Variants in RBFOX3 observed in about 807,000 individuals in gnomAD.
RBFOX3 encodes the protein RNA binding protein fox-1 homolog 3.
A neutral mutation model predicts 48.7 loss-of-function variants in RBFOX3; 17 were observed. That is an observed-to-expected ratio of 0.35 (90% confidence interval 0.24 to 0.52). The LOEUF is 0.52. Ranked by LOEUF, RBFOX3 falls within the 20% of genes least tolerant of loss-of-function variation. The pLI is 0.94. For synonymous variants in RBFOX3, 212 were observed against 209.5 expected (o/e 1.01, Z -0.10); for missense variants, 382 against 497.5 (o/e 0.77, Z 2.21).
chr17:79,664,791 C>G, the RBFOX3 span, among the ~76,000 whole-genome samples: 7 of 152,322 alleles, frequency 4.6e-5, no homozygotes, highest in Non-Finnish European at 7.3e-5. Context: ...CTCCTCCCCC[C>G]GGTCCCTGGA....
chr17:79,200,909 T>C (rs1260341400), intron 4 of RBFOX3, among the ~76,000 whole-genome samples: 1 of 151,884 alleles, frequency 6.6e-6, no homozygotes, highest in African/African-American at 2.4e-5. Flanking sequence ...TCCTCGTCTC[T>C]GTGTGCGGCG....
Position 79,198,570 on chromosome 17 carries a change from C to G in RBFOX3, c.-34+37196G>C, listed in dbSNP as rs1234675998. On this transcript the variant is annotated intron_variant, in intron 4 of 14. Coordinates refer to ENST00000693108, the MANE Select transcript of RBFOX3 (RefSeq NM_001350451.2). This position sits in a 1 kb window ranked among gnomAD's most constrained non-coding sequence, Gnocchi z 8.2. ...AGGATGTATTGCCCATGCCACTCGT[C>G]ACTCTGATAGGACTTTTAGAGATGT... Among the ~76,000 whole-genome samples the G allele has an allele frequency of 1.3e-5, 2 of 152,076 alleles. No homozygotes were observed. Among genetic ancestry groups the G allele is most frequent in the Non-Finnish European group, 2.9e-5 (2 of 68,014 alleles).
chr17:79,131,702 G>A (rs868202776), intron 4 of RBFOX3, among the ~76,000 whole-genome samples: 1 of 152,302 alleles, frequency 6.6e-6, no homozygotes, highest in South Asian at 2.1e-4. Flanking sequence ...ACCATTATTG[G>A]AAGAAGGGGT....
At chr17:79,331,210 G>A (rs2080232736) in intron 2 of RBFOX3, among the ~76,000 whole-genome samples, 1 of 152,112 alleles carries the variant, frequency 6.6e-6, no homozygotes. Context: ...TTCAAGCCCT[G>A]CTGTCCCTTC....
At chr17:79,573,812 G>T (rs2092766079) in intron 1 of RBFOX3, among the ~76,000 whole-genome samples, 1 of 152,164 alleles carries the variant, frequency 6.6e-6, no homozygotes, top group African/African-American at 2.4e-5. Flanking sequence ...AATCTGCCCG[G>T]TGGGGGGAGG....
At position 79,361,576 on chromosome 17, in the gene RBFOX3, A is replaced by C. The variant is rs1285606135; in HGVS notation, c.-174-53752T>G. ...CAGCTGATCAGCAGCTCTGCCAGGCACTGTCCAGGGCTTCCCTAAGGGACA... is the reference window on the plus strand; with the variant it reads ...CAGCTGATCAGCAGCTCTGCCAGGCCCTGTCCAGGGCTTCCCTAAGGGACA... On this transcript the variant is annotated intron_variant, in intron 2 of 14. Coordinates refer to ENST00000693108, the MANE Select transcript of RBFOX3 (RefSeq NM_001350451.2). This position sits in a 1 kb window ranked among gnomAD's most constrained non-coding sequence, Gnocchi z 4.5. Among the ~76,000 whole-genome samples the C allele has an allele frequency of 1.3e-5, 2 of 152,128 alleles. No homozygotes were observed. The highest frequency in any genetic ancestry group is 3.9e-4 in the East Asian group (2 of 5,168).
At chr17:79,131,966 C>G (rs2039021468) in intron 4 of RBFOX3, among the ~76,000 whole-genome samples, 1 of 152,288 alleles carries the variant, frequency 6.6e-6, no homozygotes, top group South Asian at 2.1e-4. Context: ...TCACTGCATA[C>G]AAATCATAAA....
chr17:79,660,154 T>G, the RBFOX3 span, among the ~76,000 whole-genome samples: 4 of 152,148 alleles, frequency 2.6e-5, no homozygotes, highest in African/African-American at 9.7e-5. Flanking sequence ...ACCACTGCGT[T>G]CCAGCCTGGG....
In RBFOX3 at chr17:79,199,669, T is replaced by C. The variant is rs1018426917; in HGVS notation, c.-34+36097A>G. Among the ~76,000 whole-genome samples, 2 of 152,192 alleles carry C rather than the reference T, an allele frequency of 1.3e-5. No individual in the cohort carries two copies. Among genetic ancestry groups the C allele is most frequent in the South Asian group, 4.1e-4 (2 of 4,826 alleles). The stretch of plus-strand genomic sequence containing the variant: ...CCAATAAAAGTGAGGCTCAGTCCCT[T>C]TGTTGCATGAGCTTCATTTCCAAGA... On this transcript the variant is annotated intron_variant, in intron 4 of 14. Coordinates refer to ENST00000693108, the MANE Select transcript of RBFOX3 (RefSeq NM_001350451.2). The surrounding 1 kb of genome is among the most constrained non-coding windows in gnomAD (Gnocchi z 5.1).
intron 4 of RBFOX3, among the ~76,000 whole-genome samples, chr17:79,145,503 G>A (rs867362957): frequency 6.6e-6 from 1 of 152,336 alleles, no homozygotes; most frequent in Middle Eastern, 3.4e-3. Context: ...AGTTTGGGAA[G>A]CACCTGCTCT....
At chr17:79,196,120 T>C (rs1200784470) in intron 4 of RBFOX3, among the ~76,000 whole-genome samples, 2 of 152,058 alleles carry the variant, frequency 1.3e-5, no homozygotes, top group African/African-American at 2.4e-5. Context: ...TAGAGGAGTG[T>C]CCCAAGATGG....
chr17:79,548,141 G>A (rs1160733954), intron 1 of RBFOX3, among the ~76,000 whole-genome samples: 2 of 152,246 alleles, frequency 1.3e-5, no homozygotes, highest in African/African-American at 4.8e-5. Context: ...GTGCGGCACG[G>A]GCTGTGCCTC....
intron 1 of RBFOX3, among the ~76,000 whole-genome samples, chr17:79,518,081 C>T (rs2085510981): frequency 6.6e-6 from 1 of 152,232 alleles, no homozygotes; most frequent in African/African-American, 2.4e-5. Context: ...CCCTCCTCCT[C>T]CTTTTCCCCA....
chr17:79,309,285 T>C (rs995462265), intron 2 of RBFOX3, among the ~76,000 whole-genome samples: 2 of 151,946 alleles, frequency 1.3e-5, no homozygotes, highest in African/African-American at 4.8e-5. Context: ...TGTCACATGA[T>C]TGGGGTCTCC....
intron 14 of RBFOX3, among the ~76,000 whole-genome samples, chr17:79,093,828 G>C (rs574748878): frequency 1.6e-3 from 181 of 111,072 alleles, no homozygotes; most frequent in Non-Finnish European, 2.3e-3. Context: ...CACACACACA[G>C]AGACACGCCA....
chr17:79,189,971 G>GGA (rs2054139958), intron 4 of RBFOX3, among the ~76,000 whole-genome samples: 1 of 152,254 alleles, frequency 6.6e-6, no homozygotes, highest in African/African-American at 2.4e-5. Context: ...CACCAGCCAA[G>GGA]GAAAACCCAT....
the RBFOX3 span, among the ~76,000 whole-genome samples, chr17:79,656,537 G>A: frequency 5.3e-5 from 8 of 151,426 alleles, no homozygotes; most frequent in African/African-American, 1.2e-4. Flanking sequence ...TCGGTTGAAC[G>A]TGGGAGGCGG....
chr17:79,196,987 G>A (rs373191233), intron 4 of RBFOX3, among the ~76,000 whole-genome samples: 10 of 152,306 alleles, frequency 6.6e-5, no homozygotes, highest in South Asian at 2.1e-4. Context: ...CCAGCACCCC[G>A]GGTGGACTGA....
chr17:79,353,125 G>A (rs978385847), intron 2 of RBFOX3, among the ~76,000 whole-genome samples: 2 of 152,214 alleles, frequency 1.3e-5, no homozygotes. Flanking sequence ...ATGAGCCTGC[G>A]TTGGCCTGGA....
Sources: gnomAD v4.1 joint callset for allele counts (sites outside exome capture counted in the v4.1 genomes callset) on GRCh38, gnomAD v4.1.1 for gene constraint, Gnocchi (gnomAD v3.1) non-coding constraint, MANE v1.5 for transcripts, NCBI Gene and HGNC (gene_info 2026-07-23, HGNC 2026-07-21) for gene names.